The following SLC22A12 variants were observed in gnomAD, a reference collection of about 807,000 sequenced individuals.
SLC22A12 encodes the protein organic anion transporter 4-like protein.
A neutral mutation model predicts 52.7 loss-of-function variants in SLC22A12; 56 were observed. That is an observed-to-expected ratio of 1.06 (90% CI 0.86 to 1.33). The LOEUF is 1.33. Among genes scored for constraint, SLC22A12 ranks in the 40% most tolerant of loss-of-function variants. SLC22A12 has a pLI of 0.00. For synonymous variants in SLC22A12, 337 were observed against 324.6 expected, an observed-to-expected ratio of 1.04 and a Z score of -0.41; for missense variants, 683 against 741.5, an observed-to-expected ratio of 0.92 and a Z score of 0.92.
chr11:64,599,964 T>A, intron 7 of SLC22A12, 74 bp downstream of exon 7: 1 of 1,505,754 alleles, frequency 6.6e-7, no homozygotes, highest in Non-Finnish European at 9.0e-7. Context: ...GCACCCCTCC[T>A]TGGAGGTGCT....
chr11:64,595,279 TTGAATGGATGGTTGGA>T (rs2039111231), intron 4 of SLC22A12, among the ~76,000 whole-genome samples: 13 of 31,926 alleles, frequency 4.1e-4, no homozygotes, highest in Non-Finnish European at 5.9e-5. Flanking sequence ...GGATGGATGG[TTGAATGGATGGTTGGA>T]TGGATGGATG....
intron 4 of SLC22A12, among the ~76,000 whole-genome samples, chr11:64,597,250 G>A (rs892733093): frequency 6.6e-6 from 1 of 152,016 alleles, no homozygotes; most frequent in African/African-American, 2.4e-5. Flanking sequence ...GCTATGTGGC[G>A]GGCACAGTCC....
chr11:64,592,715 TTCCTCTGCCTCTC>T (rs2038959495), intron 1 of SLC22A12, 51 bp from the exon 2 acceptor site: 5 of 1,399,464 alleles, frequency 3.6e-6, no homozygotes, highest in Non-Finnish European at 5.1e-6. Flanking sequence ...TCCCATGCGG[TTCCTCTGCCTCTC>T]TGCTGGGGCT....
At position 64,599,884 on chromosome 11, in the gene SLC22A12, C is replaced by A. The variant is rs764071306; in HGVS notation, c.1279C>A (p.Pro427Thr). 6.2e-6 allele frequency: 10 copies of A among 1,611,920 alleles called. No individual in the cohort carries two copies. The South Asian group carries it at 1.1e-4, about 18-fold the overall frequency. ...GLCILANTLV[P>T]HEMGALRSAL... ...CTGCATTCTGGCCAACACGCTGGTG[C>A]CCCACGGTGAGGGGGCAAAGCTGTA... Residue 427 changes from proline to threonine, a missense_variant, in exon 7 of 10, where the codon CCC becomes ACC. Transcript: ENST00000377574.
At position 64,592,869 on chromosome 11, in the gene SLC22A12, C is replaced by T. The variant is rs779698000; in HGVS notation, c.493C>T (p.Pro165Ser). 1.9e-6 allele frequency: 3 copies of T among 1,613,692 alleles called. No homozygotes were observed. Among genetic ancestry groups the T allele is most frequent in the Non-Finnish European group, 2.5e-6 (3 of 1,179,976 alleles). The change falls in exon 2 of 10, where the codon CCT (proline) becomes TCT (serine). Residue 165 changes from proline (P) to serine (S), a missense_variant. Transcript: ENST00000377574. Reference sequence around the variant, plus strand: ...TCTGGTGGGAGCTGCTGCGTGCGGCCCTGCCTCAGACAGGTGAGTACCCCC... The same window carrying T: ...TCTGGTGGGAGCTGCTGCGTGCGGCTCTGCCTCAGACAGGTGAGTACCCCC... The part of the protein sequence containing the change: ...GILVGAAACG[P>S]ASDRFGRRLV...
intron 1 of SLC22A12, among the ~76,000 whole-genome samples, 200 bp downstream of exon 1, chr11:64,592,158 G>A (rs1179203261): frequency 1.3e-5 from 2 of 152,134 alleles, no homozygotes; most frequent in African/African-American, 4.8e-5. Context: ...GCCAGCCCAG[G>A]CTCTTGGAGG....
In SLC22A12 at chr11:64,601,475, G is replaced by A. The variant is rs771041420; in HGVS notation, c.1599-13G>A. 7.4e-6 allele frequency: 12 copies of A among 1,612,614 alleles called. No homozygotes were observed. In the East Asian group the frequency reaches 2.0e-4, roughly 27 times the overall value. ...CGCACCCCAAGACACACCCCCGTGT[G>A]CTTCCTGAACAGGGCAGTAAAGAAG... On this transcript the variant is annotated splice_polypyrimidine_tract_variant and intron_variant, in intron 9 of 9. Coordinates refer to ENST00000377574, the MANE Select transcript of SLC22A12 (RefSeq NM_144585.4).
Position 64,591,513 on chromosome 11 carries a change from C to T in SLC22A12, c.-44C>T, listed in dbSNP as rs1314870634. 3 of 1,605,232 alleles carry T rather than the reference C, an allele frequency of 1.9e-6. 1 individual carries two copies. Among genetic ancestry groups the T allele is most frequent in the Non-Finnish European group, 2.5e-6 (3 of 1,179,840 alleles). Reference sequence around the variant, plus strand: ...CCTGGCCTCTTTGCCCTGGGCCAGCCTTTGTGAAGTGGGCCCCTCTTCTGG... The same window carrying T: ...CCTGGCCTCTTTGCCCTGGGCCAGCTTTTGTGAAGTGGGCCCCTCTTCTGG... On this transcript the variant is annotated 5_prime_UTR_variant, in exon 1 of 10. Transcript: ENST00000377574.
chr11:64,593,951 T>A, intron 4 of SLC22A12, 148 bp downstream of exon 4: 3 of 1,244,730 alleles, frequency 2.4e-6, no homozygotes, highest in Non-Finnish European at 3.4e-6. Flanking sequence ...CGTGGCAGAG[T>A]GTACCACCCA....
In SLC22A12 at chr11:64,600,725, G is replaced by T; in HGVS notation, c.1395-10G>T. On this transcript the variant is annotated splice_polypyrimidine_tract_variant and intron_variant, in intron 8 of 9. Transcript: ENST00000377574. ...AGACCAGGCGCTTATAGGTGCATCTGCATTGGCAGGATGACGGCAGTGGGC... is the reference window on the plus strand; with the variant it reads ...AGACCAGGCGCTTATAGGTGCATCTTCATTGGCAGGATGACGGCAGTGGGC... 6.2e-7 allele frequency: 1 copy of T among 1,604,100 alleles called. No individual in the cohort carries two copies. The highest frequency in any genetic ancestry group is 8.5e-7 in the Non-Finnish European group (1 of 1,179,886).
At position 64,600,942 on chromosome 11, in the gene SLC22A12, A is replaced by G; in HGVS notation, c.1598+4A>G. 6.2e-7 allele frequency: 1 copy of G among 1,607,154 alleles called. No homozygotes were observed. Among genetic ancestry groups the G allele is most frequent in the Non-Finnish European group, 8.5e-7 (1 of 1,179,934 alleles). On this transcript the variant is annotated splice_donor_region_variant and intron_variant, in intron 9 of 9. Transcript: ENST00000377574. Reference sequence around the variant, plus strand: ...CCATCCAAGATGTGCAGAACCAGTGAGTGGACCCAGCCTCGGGACCACCCC... The same window carrying G: ...CCATCCAAGATGTGCAGAACCAGTGGGTGGACCCAGCCTCGGGACCACCCC...
At chr11:64,600,624 G>A (rs2039423898) in intron 8 of SLC22A12, 111 bp from the exon 9 acceptor site, 1 of 1,521,762 alleles carries the variant, frequency 6.6e-7, no homozygotes, top group Non-Finnish European at 8.9e-7. Context: ...TGCATCCCAA[G>A]CCCAGCCTGA....
At chr11:64,594,793 GATGGATGGATGA>G (rs1238519640) in intron 4 of SLC22A12, among the ~76,000 whole-genome samples, 2 of 149,248 alleles carry the variant, frequency 1.3e-5, no homozygotes, top group East Asian at 4.1e-4. Flanking sequence ...GGAATAAATG[GATGGATGGATGA>G]ATGGATGGAT....
chr11:64,599,636 C>T (rs1242334285), intron 6 of SLC22A12, 40 bp from the exon 7 acceptor site: 2 of 258,788 alleles, frequency 7.7e-6, no homozygotes, highest in African/African-American at 2.9e-5. Flanking sequence ...CCCCCCCCCA[C>T]CCCCCACCCC....
chr11:64,595,403 ATGG>A (rs2135453061), intron 4 of SLC22A12, among the ~76,000 whole-genome samples: 1 of 104,446 alleles, frequency 9.6e-6, no homozygotes, highest in South Asian at 3.8e-4. Flanking sequence ...GGACGGACGG[ATGG>A]ATGGATGGAT....
intron 4 of SLC22A12, among the ~76,000 whole-genome samples, chr11:64,594,486 A>ATAGGTAGG (rs60103042): frequency 3.3e-5 from 5 of 151,468 alleles, no homozygotes; most frequent in African/African-American, 1.2e-4. Flanking sequence ...AAATAGATAG[A>ATAGGTAGG]TAGGTAGGTA....
chr11:64,595,922 AGATGGATGGATGGATGGATGGATG>A (rs200030094), intron 4 of SLC22A12, among the ~76,000 whole-genome samples: 79 of 92,968 alleles, frequency 8.5e-4, no homozygotes, highest in Non-Finnish European at 1.3e-3. Context: ...TGGTTGGAAA[AGATGGATGGATGGATGGATGGATG>A]GATGGATGGA....
chr11:64,595,137 T>TGGATGGATGGA (rs2039090653), intron 4 of SLC22A12, among the ~76,000 whole-genome samples: 2 of 26,334 alleles, frequency 7.6e-5, no homozygotes, highest in Non-Finnish European at 2.3e-4. Context: ...GGATGGATGG[T>TGGATGGATGGA]TGAATGGATG....
Position 64,599,736 on chromosome 11 carries a change from C to A in SLC22A12, c.1131C>A (p.Asn377Lys). The change falls in exon 7 of 10, where the codon AAC (asparagine) becomes AAA (lysine). Residue 377 changes from asparagine to lysine, a missense_variant. By Grantham distance (94) the Asn-to-Lys change is moderately conservative (BLOSUM62 0). Coordinates refer to ENST00000377574, the MANE Select transcript of SLC22A12 (RefSeq NM_144585.4). Reference protein sequence around the residue: ...LALDLQALGSNIFLLQMFIGV... With the variant: ...LALDLQALGSKIFLLQMFIGV... ...TGGACCTGCAGGCCCTGGGCAGCAA[C>A]ATCTTCCTGCTCCAAATGTTCATTG... The A allele has an allele frequency of 6.2e-7, 1 of 1,612,334 alleles. No homozygotes were observed. Among genetic ancestry groups the A allele is most frequent in the Non-Finnish European group, 8.5e-7 (1 of 1,179,684 alleles).
Sources: gnomAD v4.1 joint callset for allele counts (sites outside exome capture counted in the v4.1 genomes callset) on GRCh38, gnomAD v4.1.1 for gene constraint, MANE v1.5 for transcripts, NCBI Gene and HGNC (gene_info 2026-07-23, HGNC 2026-07-21) for gene names.